TMCC3: variants seen among roughly 807,000 people sequenced by gnomAD.
TMCC3 encodes the protein transmembrane and coiled-coil domain family 3.
TMCC3 carries 28 observed loss-of-function variants against 40.2 expected under a neutral mutation model. The observed-to-expected ratio is 0.70, with a 90% CI of 0.52 to 0.95. The LOEUF (loss-of-function observed/expected upper bound fraction) is 0.95, where lower values mean the gene tolerates loss of function less well. Ranked by LOEUF, TMCC3 falls within the 40% of genes least tolerant of loss-of-function variation. The pLI is 0.00. For missense variants in TMCC3, 554 were observed against 615.2 expected (o/e 0.90, Z 1.05); for synonymous variants, 255 against 248.5 (o/e 1.03, Z -0.25).
chr12:94,571,715 G>A lies in TMCC3; in HGVS notation c.1154C>T (p.Thr385Ile). ...DIQEALESCQ[T>I]RISKLELHQQ... ...GTGGAGCTCCAGCTTAGAAATGCGA[G>A]TCTGGCAGGATTCCAAGGCTTCCTG... Residue 385 changes from threonine (T) to isoleucine (I), a missense_variant, in exon 4 of 4, where the codon ACT becomes ATT. Physicochemically the swap from Thr to Ile is moderately conservative, Grantham distance 89. Transcript: ENST00000261226. The A allele has an allele frequency of 6.2e-7, 1 of 1,614,080 alleles. No individual in the cohort carries two copies. The highest frequency in any genetic ancestry group is 1.1e-5 in the South Asian group (1 of 91,082).
intron 1 of TMCC3, among the ~76,000 whole-genome samples, chr12:94,629,994 G>A (rs1218908641): frequency 6.6e-6 from 1 of 152,198 alleles, no homozygotes; most frequent in Non-Finnish European, 1.5e-5. Flanking sequence ...GGCCAGGCGT[G>A]GTGGCTCATG....
At chr12:94,622,290 A>C (rs950530740) in intron 1 of TMCC3, among the ~76,000 whole-genome samples, 6 of 152,190 alleles carry the variant, frequency 3.9e-5, no homozygotes, top group Non-Finnish European at 8.8e-5. Flanking sequence ...ATTCAGGGAG[A>C]GTTCAATCGA....
chr12:94,598,267 TC>T (rs2138846523), intron 1 of TMCC3, among the ~76,000 whole-genome samples: 1 of 152,364 alleles, frequency 6.6e-6, no homozygotes, highest in East Asian at 1.9e-4. Context: ...TCCTACCTTT[TC>T]TTGAGCTCTT....
intron 1 of TMCC3, chr12:94,615,807 GCA>G: frequency 3.8e-6 from 2 of 532,588 alleles, no homozygotes; most frequent in Non-Finnish European, 4.8e-6. Context: ...ACTATTAAGA[GCA>G]CAAAGACAAA....
rs542438210 is a variant in TMCC3, at chr12:94,627,049, TG to T, written c.78+23303del. On this transcript the variant is annotated intron_variant, in intron 1 of 3. Transcript: ENST00000261226. ...CTAATTTTTGTATTTTTAGTAGAGA[TG>T]GGGGTTTCACCATGTTGGCCAGGCT... 3.3e-3 allele frequency among the ~76,000 whole-genome samples: 495 copies of T among 151,948 alleles called. 6 individuals carry two copies. The highest frequency in any genetic ancestry group is 0.011 in the African/African-American group (472 of 41,448).
chr12:94,626,816 G>A (rs1163718487), intron 1 of TMCC3, among the ~76,000 whole-genome samples: 1 of 152,114 alleles, frequency 6.6e-6, no homozygotes, highest in Non-Finnish European at 1.5e-5. Flanking sequence ...TCCTTATAGG[G>A]AAACAATTAC....
intron 1 of TMCC3, 65 bp from the exon 2 acceptor site, chr12:94,582,603 T>C (rs1398750744): frequency 7.1e-7 from 1 of 1,412,796 alleles, no homozygotes; most frequent in Non-Finnish European, 9.6e-7. Context: ...TGTGACAGAA[T>C]CTATGCACAT....
intron 1 of TMCC3, 57 bp downstream of exon 1, chr12:94,650,296 G>A (rs2069048730): frequency 1.8e-6 from 2 of 1,121,540 alleles, no homozygotes; most frequent in East Asian, 7.6e-5. Context: ...CGCCGCCCCA[G>A]CCCGCCTCGC....
At chr12:94,622,533 G>T (rs2068881078) in intron 1 of TMCC3, among the ~76,000 whole-genome samples, 1 of 152,078 alleles carries the variant, frequency 6.6e-6, no homozygotes, top group Non-Finnish European at 1.5e-5. Flanking sequence ...AATAAGCACT[G>T]ATCCCTATGA....
At chr12:94,609,651 G>T (rs1020603781) in intron 1 of TMCC3, 5 of 152,140 alleles carry the variant, frequency 3.3e-5, no homozygotes, top group Non-Finnish European at 7.3e-5. Context: ...GATAACTTCA[G>T]TAACTGAATA....
chr12:94,608,845 C>T (rs527497442), intron 1 of TMCC3, among the ~76,000 whole-genome samples: 7 of 152,312 alleles, frequency 4.6e-5, no homozygotes, highest in South Asian at 2.1e-4. Flanking sequence ...ATCTACTCTG[C>T]GCCTGTATGT....
At chr12:94,631,903 G>T (rs979437020) in intron 1 of TMCC3, among the ~76,000 whole-genome samples, 2 of 152,178 alleles carry the variant, frequency 1.3e-5, no homozygotes, top group Non-Finnish European at 2.9e-5. Flanking sequence ...TGAGGTGTGG[G>T]ATTTCAGCCT....
chr12:94,622,751 G>A (rs192736873), intron 1 of TMCC3, among the ~76,000 whole-genome samples: 44 of 151,462 alleles, frequency 2.9e-4, no homozygotes, highest in South Asian at 1.0e-3. Flanking sequence ...AATCAGACAC[G>A]GAGCCTGTTA....
At position 94,631,814 on chromosome 12, in the gene TMCC3, A is replaced by G. The variant is rs187753172; in HGVS notation, c.78+18539T>C. ...GGATTACAAACTAACCTACTTTCTA[A>G]CTGTGGAAACTGACGCTCCAAACTT... On this transcript the variant is annotated intron_variant, in intron 1 of 3. Coordinates refer to ENST00000261226, the MANE Select transcript of TMCC3 (RefSeq NM_020698.4). Among the ~76,000 whole-genome samples the G allele has an allele frequency of 5.9e-5, 9 of 152,362 alleles. No individual in the cohort carries two copies. In the East Asian group the frequency reaches 1.5e-3, roughly 26 times the overall value.
intron 1 of TMCC3, among the ~76,000 whole-genome samples, chr12:94,619,921 C>T (rs10777607): frequency 0.63 from 94,953 of 151,824 alleles, 30,413 homozygotes; most frequent in African/African-American, 0.76. Flanking sequence ...CCCAACACTT[C>T]AGGAGGCCGA....
chr12:94,613,344 C>A (rs969837683), intron 1 of TMCC3, among the ~76,000 whole-genome samples: 1 of 151,968 alleles, frequency 6.6e-6, no homozygotes, highest in African/African-American at 2.4e-5. Context: ...GTGGCACACA[C>A]GTCTGTAGTT....
At chr12:94,600,171 A>G (rs1411309345) in intron 1 of TMCC3, among the ~76,000 whole-genome samples, 1 of 151,820 alleles carries the variant, frequency 6.6e-6, no homozygotes, top group African/African-American at 2.4e-5. Flanking sequence ...CCTTAGGGGT[A>G]AACAGCATAA....
rs1454472339 is a variant in TMCC3, at chr12:94,603,631, G to A, written c.79-21093C>T. 2.6e-5 allele frequency among the ~76,000 whole-genome samples: 4 copies of A among 152,176 alleles called. No individual in the cohort carries two copies. In the East Asian group the frequency reaches 5.8e-4, roughly 22 times the overall value. On this transcript the variant is annotated intron_variant, in intron 1 of 3. Transcript: ENST00000261226. ...ACCCTTTGCGGGGAAGTAGGGGTAC[G>A]GAGAATGATTCACCAGTAGGTGGCA... is the stretch of plus-strand genomic sequence containing the variant.
At position 94,650,444 on chromosome 12, in the gene TMCC3, C is replaced by A; in HGVS notation, c.-14G>T. ...GCTGCCCGGCATCTCCGCGCTCCGG[C>A]CGCGAACTTTCCCGTCTTCTGGGGC... On this transcript the variant is annotated 5_prime_UTR_variant, in exon 1 of 4. Coordinates refer to ENST00000261226, the MANE Select transcript of TMCC3 (RefSeq NM_020698.4). 1 of 1,283,292 alleles carries A rather than the reference C, an allele frequency of 7.8e-7. No individual in the cohort carries two copies. The highest frequency in any genetic ancestry group is 1.5e-5 in the African/African-American group (1 of 64,714). 79.5% of individuals were successfully genotyped at this position (1,283,292 alleles called of 1,614,324 possible).
Sources: gnomAD v4.1 joint callset for allele counts (sites outside exome capture counted in the v4.1 genomes callset) on GRCh38, gnomAD v4.1.1 for gene constraint, MANE v1.5 for transcripts, NCBI Gene and HGNC (gene_info 2026-07-23, HGNC 2026-07-21) for gene names.